CPXM2: variants seen among roughly 807,000 people sequenced by gnomAD.
CPXM2 encodes inactive carboxypeptidase-like protein X2.
A neutral mutation model predicts 86.1 loss-of-function variants in CPXM2; 66 were observed. That is an observed-to-expected ratio of 0.77 (90% CI 0.63 to 0.94). CPXM2 has a LOEUF of 0.94. Among genes scored for constraint, CPXM2 ranks in the 40% least tolerant of loss-of-function variants. CPXM2 has a pLI of 0.00. For synonymous variants in CPXM2, 388 were observed against 400.2 expected (o/e 0.97, Z 0.36); for missense variants, 948 against 1,026.3 (o/e 0.92, Z 1.04).
intron 2 of CPXM2, among the ~76,000 whole-genome samples, chr10:123,899,029 C>T (rs1161818720): frequency 6.6e-6 from 1 of 152,212 alleles, no homozygotes; most frequent in East Asian, 1.9e-4. Context: ...GGATTACAGG[C>T]ACCCGCCACC....
Position 123,891,536 on chromosome 10 carries a change from T to C in CPXM2, c.124A>G (p.Ser42Gly), listed in dbSNP as rs936347610. The C allele has an allele frequency of 6.5e-7, 1 of 1,548,344 alleles. No individual in the cohort carries two copies. The highest frequency in any genetic ancestry group is 8.7e-7 in the Non-Finnish European group (1 of 1,145,566). ...DPDYYGQEIWSREPYYARPEP... is the reference protein window; with the variant it reads ...DPDYYGQEIWGREPYYARPEP... ...GGGCGCGCGTAGTAGGGCTCCCGGC[T>C]CCAGATCTCCTGCCCGTAATAATCA... Residue 42 changes from serine to glycine, a missense_variant, in exon 1 of 14, where the codon AGC (serine) becomes GGC (glycine). Transcript: ENST00000241305. The surrounding 1 kb of genome is among the most constrained non-coding windows in gnomAD (Gnocchi z 5.6).
At chr10:123,937,962 T>C (rs544452204) in intron 2 of CPXM2, among the ~76,000 whole-genome samples, 1 of 152,322 alleles carries the variant, frequency 6.6e-6, no homozygotes, top group Non-Finnish European at 1.5e-5. Context: ...GAAGCAGCTC[T>C]GTCTTCCTTC....
In CPXM2 at chr10:123,923,495, G is replaced by A. The variant is rs959025820; in HGVS notation, n.174+15982C>T. On this transcript the variant is annotated intron_variant and non_coding_transcript_variant, in intron 2 of 19. Coordinates refer to the CPXM2 transcript ENST00000368854. ...ACTCGGGAGGCTGAGGCAGGAGAAT[G>A]GCGTGAACCCGGGAGGCGGAGCTTG... 6.6e-5 allele frequency among the ~76,000 whole-genome samples: 10 copies of A among 151,170 alleles called. 1 individual carries two copies. The highest frequency in any genetic ancestry group is 6.3e-4 in the South Asian group (3 of 4,750).
At chr10:123,876,392 C>T (rs149520626) in intron 2 of CPXM2, among the ~76,000 whole-genome samples, 1 of 152,228 alleles carries the variant, frequency 6.6e-6, no homozygotes, top group Non-Finnish European at 1.5e-5. Flanking sequence ...ACCAAAGAAC[C>T]GTGCACGGGA....
In CPXM2 at chr10:123,880,785, C is replaced by T. The variant is rs940741456; in HGVS notation, c.305-476G>A. 1.6e-3 allele frequency among the ~76,000 whole-genome samples: 223 copies of T among 136,982 alleles called. 1 individual carries two copies. Among genetic ancestry groups the T allele is most frequent in the Non-Finnish European group, 1.5e-3 (101 of 65,592 alleles). The allele number at this position is 136,982 out of a possible 152,430, so 89.9% of individuals were successfully genotyped here. On this transcript the variant is annotated intron_variant, in intron 1 of 13. Transcript: ENST00000241305. Reference sequence around the variant, plus strand: ...CAGAGCTTGCAGTGAGACGAGATTGCGCCACTGCACTCCAGCCTGGGTGAC... The same window carrying T: ...CAGAGCTTGCAGTGAGACGAGATTGTGCCACTGCACTCCAGCCTGGGTGAC...
intron 3 of CPXM2, among the ~76,000 whole-genome samples, chr10:123,844,993 G>C (rs1481436366): frequency 6.6e-6 from 1 of 151,676 alleles, no homozygotes; most frequent in Non-Finnish European, 1.5e-5. Context: ...ACTTGAACCG[G>C]GGGGCAGAGG....
At chr10:123,868,457 G>A (rs1944834558) in intron 2 of CPXM2, among the ~76,000 whole-genome samples, 1 of 152,140 alleles carries the variant, frequency 6.6e-6, no homozygotes, top group Non-Finnish European at 1.5e-5. Context: ...ACGGCAGAAA[G>A]GAGACAAGTA....
intron 4 of CPXM2, among the ~76,000 whole-genome samples, chr10:123,807,099 C>A (rs534270187): frequency 1.1e-4 from 17 of 152,258 alleles, no homozygotes; most frequent in African/African-American, 4.1e-4. Context: ...CAGTGCCTGG[C>A]ACGTAGTAAC....
At chr10:123,826,559 T>C (rs1848051061) in intron 4 of CPXM2, among the ~76,000 whole-genome samples, 1 of 152,098 alleles carries the variant, frequency 6.6e-6, no homozygotes, top group Admixed American at 6.6e-5. Context: ...TTAACCATTG[T>C]TCATAATAGG....
At chr10:123,880,186 G>A (rs767348740) in intron 2 of CPXM2, 25 bp downstream of exon 2, 1 of 834,570 alleles carries the variant, frequency 1.2e-6, no homozygotes, top group East Asian at 2.8e-5. Flanking sequence ...GACTGGTGTA[G>A]GGGCTCTCCG....
intron 2 of CPXM2, among the ~76,000 whole-genome samples, chr10:123,933,747 T>TAA (rs376408688): frequency 7.3e-6 from 1 of 137,532 alleles, no homozygotes; most frequent in Non-Finnish European, 1.6e-5. Flanking sequence ...AAAACAAAAC[T>TAA]AAAAAAAAAA....
intron 1 of CPXM2, among the ~76,000 whole-genome samples, chr10:123,887,321 A>T (rs1945193537): frequency 6.6e-6 from 1 of 152,186 alleles, no homozygotes; most frequent in South Asian, 2.1e-4. Flanking sequence ...GACCTCAGAA[A>T]CTGTACAGTA....
chr10:123,782,316 G>A (rs192792533), intron 6 of CPXM2, among the ~76,000 whole-genome samples: 16 of 152,304 alleles, frequency 1.1e-4, no homozygotes, highest in East Asian at 9.6e-4. Context: ...CCTAAACCTC[G>A]GGGGCGTCTT....
intron 2 of CPXM2, chr10:123,914,159 A>G (rs1274355644): frequency 6.7e-6 from 3 of 448,770 alleles, no homozygotes; most frequent in Non-Finnish European, 1.3e-5. Flanking sequence ...TTGAAGGTCA[A>G]AACAGCTCTT....
intron 3 of CPXM2, among the ~76,000 whole-genome samples, chr10:123,844,979 A>G (rs1848468405): frequency 6.6e-6 from 1 of 151,730 alleles, no homozygotes; most frequent in Non-Finnish European, 1.5e-5. Context: ...GAGGCAGGAG[A>G]ATCACTTGAA....
At chr10:123,902,538 G>A (rs1403692931) in intron 2 of CPXM2, among the ~76,000 whole-genome samples, 1 of 152,196 alleles carries the variant, frequency 6.6e-6, no homozygotes, top group African/African-American at 2.4e-5. Flanking sequence ...AGTTCCGGAG[G>A]CTGGAAGTCC....
At chr10:123,869,054 G>A (rs543302255) in intron 2 of CPXM2, among the ~76,000 whole-genome samples, 8 of 152,032 alleles carry the variant, frequency 5.3e-5, no homozygotes, top group South Asian at 4.2e-4. Flanking sequence ...TAAGAAAAAC[G>A]GAGGAGAAGC....
intron 2 of CPXM2, among the ~76,000 whole-genome samples, chr10:123,906,695 C>T (rs1945444967): frequency 6.6e-6 from 1 of 152,168 alleles, no homozygotes; most frequent in Non-Finnish European, 1.5e-5. Context: ...CCAAACTTGG[C>T]TCCAAAAGAT....
intron 3 of CPXM2, among the ~76,000 whole-genome samples, chr10:123,845,656 AG>A (rs926771414): frequency 8.6e-5 from 13 of 151,962 alleles, no homozygotes; most frequent in African/African-American, 3.1e-4. Flanking sequence ...GAAGAATTTT[AG>A]GGGGAAAAAA....
Sources: gnomAD v4.1 joint callset for allele counts (sites outside exome capture counted in the v4.1 genomes callset) on GRCh38, gnomAD v4.1.1 for gene constraint, Gnocchi (gnomAD v3.1) non-coding constraint, MANE v1.5 for transcripts, NCBI Gene and HGNC (gene_info 2026-07-23, HGNC 2026-07-21) for gene names.